The following CD72 variants were observed in gnomAD, a reference collection of about 807,000 sequenced individuals.
The protein encoded by CD72 is CD72 molecule.
A neutral mutation model predicts 50.7 loss-of-function variants in CD72; 28 were observed. The observed-to-expected ratio is 0.55, with a 90% CI of 0.41 to 0.76. The LOEUF (loss-of-function observed/expected upper bound fraction) is 0.76, where lower values mean the gene tolerates loss of function less well. Among genes scored for constraint, CD72 ranks in the 30% least tolerant of loss-of-function variants. The probability of loss-of-function intolerance (pLI) is 0.00; values close to 1 mark genes in which losing one functional copy is unlikely to be tolerated. For missense variants in CD72, 403 were observed against 420.6 expected (o/e 0.96, Z 0.37); for synonymous variants, 176 against 171.2 (o/e 1.03, Z -0.22).
chr9:35,646,823 A>T (rs537461871), upstream of CD72: 3 of 152,200 alleles, frequency 2.0e-5, no homozygotes, highest in Admixed American at 6.5e-5. Flanking sequence ...GTCGTCAGGG[A>T]CCAGACCCTG....
intron 6 of CD72, among the ~76,000 whole-genome samples, chr9:35,612,584 C>CA (rs71506195): frequency 0.034 from 4,643 of 134,946 alleles, 165 homozygotes; most frequent in African/African-American, 0.093. Context: ...GACTCTGTCT[C>CA]AAAAAAAAAA....
chr9:35,641,185 C>T (rs906767192), intron 1 of CD72, among the ~76,000 whole-genome samples: 6 of 151,602 alleles, frequency 4.0e-5, no homozygotes, highest in South Asian at 2.1e-4. Context: ...GAGATTTCCT[C>T]GGGGGGGGTG....
Position 35,617,238 on chromosome 9 carries a change from G to C in CD72, c.200C>G (p.Ser67Trp), listed in dbSNP as rs1823080057. The change falls in exon 3 of 9, where the codon TCG becomes TGG. Residue 67 changes from serine to tryptophan, a missense_variant. Ser to Trp is a radical substitution (Grantham distance 177). Transcript: ENST00000259633. ...TCTCCAGGACGCAGTTGGCTGCTCC[G>C]ACTTGACCGCTGTCGAGGGGAGCAT... is the stretch of plus-strand genomic sequence containing the variant. ...SVLGDKAAVKSEQPTASWRAV... is the reference protein window; with the variant it reads ...SVLGDKAAVKWEQPTASWRAV... 1 of 1,556,934 alleles carries C rather than the reference G, an allele frequency of 6.4e-7. No homozygotes were observed. Among genetic ancestry groups the C allele is most frequent in the Non-Finnish European group, 8.7e-7 (1 of 1,150,482 alleles).
At chr9:35,639,016 G>A (rs925136029) in intron 1 of CD72, among the ~76,000 whole-genome samples, 11 of 149,482 alleles carry the variant, frequency 7.4e-5, no homozygotes, top group Non-Finnish European at 1.3e-4. Flanking sequence ...CCGGAAGGCC[G>A]CCTTATTCTT....
At chr9:35,619,243 G>A, upstream of CD72, among the ~76,000 whole-genome samples, 1 of 152,206 alleles carries the variant, frequency 6.6e-6, no homozygotes, top group East Asian at 1.9e-4. Flanking sequence ...TAGGTGGTGG[G>A]GGCCTGGCTG....
intron 1 of CD72, among the ~76,000 whole-genome samples, chr9:35,626,667 C>G (rs1273483590): frequency 3.3e-5 from 5 of 152,184 alleles, no homozygotes; most frequent in African/African-American, 4.8e-5. Context: ...CAACTACCAT[C>G]CTGATCAGTC....
intron 4 of CD72, 141 bp downstream of exon 4, chr9:35,616,459 C>T (rs755756698): frequency 4.6e-6 from 4 of 863,908 alleles, no homozygotes; most frequent in Non-Finnish European, 7.6e-6. Context: ...AGGAAGACAA[C>T]AGCCCTGGCT....
At chr9:35,639,128 A>G (rs904052540) in intron 1 of CD72, among the ~76,000 whole-genome samples, 3 of 152,162 alleles carry the variant, frequency 2.0e-5, no homozygotes, top group African/African-American at 7.2e-5. Context: ...TCCAGTAGGA[A>G]TAAATTCAAC....
At chr9:35,621,218 C>T (rs189809541), upstream of CD72, among the ~76,000 whole-genome samples, 37 of 152,346 alleles carry the variant, frequency 2.4e-4, no homozygotes, top group African/African-American at 8.4e-4. Context: ...CTATCATCAT[C>T]TGAGAGCCTG....
chr9:35,635,708 T>C (rs1260504061), intron 1 of CD72, among the ~76,000 whole-genome samples: 4 of 152,216 alleles, frequency 2.6e-5, no homozygotes, highest in Admixed American at 2.6e-4. Context: ...AGAAGAGTCA[T>C]GATTGTCCTT....
chr9:35,631,822 G>T (rs1823248747), intron 1 of CD72, among the ~76,000 whole-genome samples: 2 of 152,138 alleles, frequency 1.3e-5, no homozygotes, highest in Admixed American at 1.3e-4. Flanking sequence ...CCCGGGAGAC[G>T]GAGCTTGCAG....
At chr9:35,611,439 C>T (rs971106529) in intron 7 of CD72, among the ~76,000 whole-genome samples, 1 of 152,038 alleles carries the variant, frequency 6.6e-6, no homozygotes, top group African/African-American at 2.4e-5. Context: ...CCCAAGTGGC[C>T]GCTACTGAGA....
At position 35,616,935 on chromosome 9, in the gene CD72, A is replaced by G. The variant is rs752005525; in HGVS notation, c.262+241T>C. The G allele has an allele frequency of 4.9e-4, 684 of 1,383,694 alleles. 1 individual carries two copies. Among genetic ancestry groups the G allele is most frequent in the Non-Finnish European group, 6.0e-4 (635 of 1,051,356 alleles). 85.7% of individuals were successfully genotyped at this position (1,383,694 alleles called of 1,614,324 possible). On this transcript the variant is annotated intron_variant, in intron 3 of 8. Transcript: ENST00000259633. ...TTACCTGGGAGAAGGGGAAGGAAATATCAGACGGAGAGAGGGGAAGGGGGG... is the reference window on the plus strand; with the variant it reads ...TTACCTGGGAGAAGGGGAAGGAAATGTCAGACGGAGAGAGGGGAAGGGGGG...
chr9:35,637,668 A>G (rs1359501130), intron 1 of CD72, among the ~76,000 whole-genome samples: 3 of 152,200 alleles, frequency 2.0e-5, no homozygotes, highest in East Asian at 3.9e-4. Flanking sequence ...TCAGGAAGAC[A>G]GCCTTCCCTT....
At chr9:35,628,872 T>G (rs1203232947) in intron 1 of CD72, among the ~76,000 whole-genome samples, 1 of 152,068 alleles carries the variant, frequency 6.6e-6, no homozygotes, top group African/African-American at 2.4e-5. Flanking sequence ...AGTGGTATCT[T>G]TTTTTGTTTT....
chr9:35,643,641 C>T (rs891919639), intron 1 of CD72: 3 of 152,028 alleles, frequency 2.0e-5, no homozygotes, highest in Admixed American at 6.6e-5. Flanking sequence ...AGGATCAAGC[C>T]GAAAGGGAGT....
intron 1 of CD72, among the ~76,000 whole-genome samples, chr9:35,639,218 T>C (rs1318985816): frequency 6.6e-6 from 1 of 151,890 alleles, no homozygotes; most frequent in Non-Finnish European, 1.5e-5. Context: ...AATAAAATAA[T>C]AATAAAAGAA....
intron 5 of CD72, among the ~76,000 whole-genome samples, chr9:35,615,280 A>T (rs1823047739): frequency 6.6e-6 from 1 of 152,166 alleles, no homozygotes; most frequent in African/African-American, 2.4e-5. Context: ...ACCTGATCAT[A>T]GCCCAAAAAC....
intron 1 of CD72, among the ~76,000 whole-genome samples, chr9:35,645,059 G>A (rs1256145418): frequency 3.3e-5 from 5 of 150,476 alleles, no homozygotes; most frequent in Admixed American, 2.0e-4. Context: ...ATAAGCCGGG[G>A]GTGGTGGAGC....
Sources: allele counts gnomAD v4.1 joint callset (sites outside exome capture counted in the v4.1 genomes callset), GRCh38; gene constraint gnomAD v4.1.1; transcripts MANE v1.5; gene names NCBI Gene and HGNC (gene_info 2026-07-23, HGNC 2026-07-21).